The following SEMA6D variants were observed in gnomAD, a reference collection of about 807,000 sequenced individuals.
SEMA6D encodes the protein semaphorin 6D.
A neutral mutation model predicts 106.6 loss-of-function variants in SEMA6D; 35 were observed. That is an observed-to-expected ratio of 0.33 (90% CI 0.25 to 0.44). SEMA6D has a LOEUF of 0.44. Among genes scored for constraint, SEMA6D ranks in the 20% least tolerant of loss-of-function variants. The pLI is 1.00. For synonymous variants in SEMA6D, 499 were observed against 487.7 expected (o/e 1.02, Z -0.31); for missense variants, 1,185 against 1,345.9 (o/e 0.88, Z 1.87).
chr15:47,667,967 A>G (rs922119901), intron 4 of SEMA6D, among the ~76,000 whole-genome samples: 32 of 152,172 alleles, frequency 2.1e-4, no homozygotes, highest in African/African-American at 7.2e-4. Context: ...TTATTCCTAT[A>G]TATTTATTCT....
At chr15:47,462,745 G>C (rs1342384211) in intron 2 of SEMA6D, among the ~76,000 whole-genome samples, 2 of 152,050 alleles carry the variant, frequency 1.3e-5, no homozygotes, top group Non-Finnish European at 2.9e-5. Flanking sequence ...TAGATAAAAG[G>C]CCTTCTCTTT....
At chr15:47,347,004 G>C (rs1249594851) in intron 1 of SEMA6D, among the ~76,000 whole-genome samples, 1 of 152,050 alleles carries the variant, frequency 6.6e-6, no homozygotes, top group Non-Finnish European at 1.5e-5. Context: ...CCCCTCCCGG[G>C]TTCAAGCGAT....
chr15:47,484,017 C>T (rs2043224767), intron 3 of SEMA6D, among the ~76,000 whole-genome samples: 1 of 152,110 alleles, frequency 6.6e-6, no homozygotes, highest in South Asian at 2.1e-4. Context: ...CATGTTGAAC[C>T]TTTGCAGAGA....
intron 1 of SEMA6D, among the ~76,000 whole-genome samples, chr15:47,365,405 C>G (rs2038975227): frequency 6.6e-6 from 1 of 152,108 alleles, no homozygotes; most frequent in Admixed American, 6.5e-5. Context: ...CACTGCAGCC[C>G]AAAGAACTCC....
chr15:47,692,291 G>A (rs771670477), intron 4 of SEMA6D, among the ~76,000 whole-genome samples: 4 of 152,056 alleles, frequency 2.6e-5, no homozygotes, highest in Non-Finnish European at 5.9e-5. Flanking sequence ...CCTTAATTCC[G>A]CTTGTAGTTA....
At chr15:47,513,237 T>G (rs942124761) in intron 3 of SEMA6D, among the ~76,000 whole-genome samples, 3 of 152,146 alleles carry the variant, frequency 2.0e-5, no homozygotes, top group Non-Finnish European at 4.4e-5. Context: ...GATTGATTTG[T>G]ATCTGTGATA....
intron 1 of SEMA6D, among the ~76,000 whole-genome samples, chr15:47,359,216 T>C (rs2038705797): frequency 6.6e-6 from 1 of 152,230 alleles, no homozygotes; most frequent in Non-Finnish European, 1.5e-5. Context: ...TATATGTACA[T>C]GTGTACATAT....
chr15:47,271,512 T>A lies in SEMA6D; in HGVS notation c.-239+87094T>A, dbSNP rs921834781. On this transcript the variant is annotated intron_variant, in intron 1 of 19. Transcript: ENST00000558014. The stretch of plus-strand genomic sequence containing the variant: ...GTTCAACATTATCAGTCCACACTTT[T>A]GTTTAAGAAGAATATTATTTGTTGC... 5.3e-5 allele frequency among the ~76,000 whole-genome samples: 8 copies of A among 152,292 alleles called. No individual in the cohort carries two copies. In the East Asian group the frequency reaches 1.4e-3, roughly 26 times the overall value.
chr15:47,194,103 ATGGATGGGTGGATGGGTGGATGGG>A (rs1372774633), intron 1 of SEMA6D, among the ~76,000 whole-genome samples: 1 of 150,746 alleles, frequency 6.6e-6, no homozygotes, highest in Admixed American at 6.6e-5. Context: ...GGGTGGATGG[ATGGATGGGTGGATGGGTGGATGGG>A]TGGATGGATG....
chr15:47,665,235 T>G lies in SEMA6D; in HGVS notation c.-55+64339T>G, dbSNP rs185709767. On this transcript the variant is annotated intron_variant, in intron 4 of 19. Transcript: ENST00000558014. ...GAAGAAAGCAGGGACAAAGAAAATC[T>G]ATTCTCTTTCTTTTTTCTTTGCAGC... 2.3e-3 allele frequency among the ~76,000 whole-genome samples: 349 copies of G among 152,356 alleles called. 1 individual carries two copies. The highest frequency in any genetic ancestry group is 0.017 in the Middle Eastern group (5 of 294).
intron 9 of SEMA6D, 36 bp downstream of exon 9, chr15:47,763,140 T>C (rs2082152477): frequency 6.6e-7 from 1 of 1,504,488 alleles, no homozygotes; most frequent in Non-Finnish European, 9.2e-7. Flanking sequence ...TGTGGACTTG[T>C]ACTGCATGAA....
chr15:47,459,940 A>G (rs1804973450), intron 2 of SEMA6D, among the ~76,000 whole-genome samples: 1 of 152,088 alleles, frequency 6.6e-6, no homozygotes, highest in Non-Finnish European at 1.5e-5. Flanking sequence ...CCATTCTTGA[A>G]AATCAATTCC....
intron 3 of SEMA6D, among the ~76,000 whole-genome samples, chr15:47,582,281 A>G (rs1334410775): frequency 6.6e-6 from 1 of 152,236 alleles, no homozygotes; most frequent in Non-Finnish European, 1.5e-5. Flanking sequence ...GACATGAGAC[A>G]CGAGGCATGA....
intron 1 of SEMA6D, among the ~76,000 whole-genome samples, chr15:47,337,962 T>G (rs570086582): frequency 6.6e-6 from 1 of 152,312 alleles, no homozygotes; most frequent in African/African-American, 2.4e-5. Context: ...TGGAGGTCGG[T>G]TTTGCCTTTA....
chr15:47,700,465 G>A (rs2078787630), intron 4 of SEMA6D, among the ~76,000 whole-genome samples: 1 of 152,282 alleles, frequency 6.6e-6, no homozygotes, highest in Non-Finnish European at 1.5e-5. Flanking sequence ...GAGCCTAGAA[G>A]TTAAAGGTTA....
chr15:47,469,678 A>T (rs2042772348), intron 2 of SEMA6D, among the ~76,000 whole-genome samples: 1 of 152,170 alleles, frequency 6.6e-6, no homozygotes, highest in African/African-American at 2.4e-5. Context: ...TGGAGATAAA[A>T]TTAACAAAGA....
At chr15:47,750,643 A>G (rs2081378934) in intron 1 of SEMA6D, among the ~76,000 whole-genome samples, 1 of 152,218 alleles carries the variant, frequency 6.6e-6, no homozygotes, top group Non-Finnish European at 1.5e-5. Context: ...TGAGTCACAG[A>G]GCTGCTTCAT....
intron 1 of SEMA6D, among the ~76,000 whole-genome samples, chr15:47,235,092 T>G (rs1360025201): frequency 6.6e-6 from 1 of 151,962 alleles, no homozygotes; most frequent in Non-Finnish European, 1.5e-5. Context: ...TTTCCCTGAT[T>G]AGTGATGTTA....
chr15:47,350,871 T>G (rs1595795961), intron 1 of SEMA6D, among the ~76,000 whole-genome samples: 2 of 152,316 alleles, frequency 1.3e-5, no homozygotes, highest in African/African-American at 4.8e-5. Context: ...TAAGGTTTTC[T>G]GTGCCTGTTC....
Sources: gnomAD v4.1 joint callset for allele counts (sites outside exome capture counted in the v4.1 genomes callset) on GRCh38, gnomAD v4.1.1 for gene constraint, MANE v1.5 for transcripts, NCBI Gene and HGNC (gene_info 2026-07-23, HGNC 2026-07-21) for gene names.